SSH2: variants seen among roughly 807,000 people sequenced by gnomAD.
SSH2 encodes the protein protein phosphatase Slingshot homolog 2.
SSH2 carries 37 observed loss-of-function variants against 135.2 expected under a neutral mutation model. The ratio of observed to expected loss-of-function variants is 0.27; its 90% CI spans 0.21 to 0.36. SSH2 has a LOEUF of 0.36. Ranked by LOEUF, SSH2 falls within the 10% of genes least tolerant of loss-of-function variation. SSH2 has a pLI of 1.00. For synonymous variants in SSH2, 628 were observed against 646.2 expected (o/e 0.97, Z 0.43); for missense variants, 1,408 against 1,765.3 (o/e 0.80, Z 3.63).
At chr17:29,829,447 C>T in intron 2 of SSH2, among the ~76,000 whole-genome samples, 1 of 151,764 alleles carries the variant, frequency 6.6e-6, no homozygotes, top group Non-Finnish European at 1.5e-5. Flanking sequence ...GGATATGAAG[C>T]CCCAACTGTC....
intron 1 of SSH2, among the ~76,000 whole-genome samples, chr17:29,920,304 G>C (rs765477883): frequency 4.6e-5 from 7 of 152,222 alleles, no homozygotes; most frequent in Non-Finnish European, 8.8e-5. Flanking sequence ...CTTAAAGCCG[G>C]ATAGGAAAGA....
At chr17:29,833,647 CCT>C (rs2042887779) in intron 2 of SSH2, among the ~76,000 whole-genome samples, 1 of 5,508 alleles carries the variant, frequency 1.8e-4, no homozygotes, top group Non-Finnish European at 6.3e-4. Context: ...GTTTTTTTTT[CCT>C]TCCTTCCTTC....
rs148308046 is a variant in SSH2 at position 29,859,284 on chromosome 17, T to A, written c.64-10355A>T. Among the ~76,000 whole-genome samples the A allele has an allele frequency of 4.5e-3, 690 of 152,144 alleles. 8 individuals carry two copies. Among genetic ancestry groups the A allele is most frequent in the African/African-American group, 0.016 (652 of 41,470 alleles). On this transcript the variant is annotated intron_variant, in intron 1 of 15. Coordinates refer to ENST00000540801, the MANE Select transcript of SSH2 (RefSeq NM_001282129.2). ...CTCCTTTCCTGGGTTCCTCTTACAC[T>A]TTTTTTTCTTTCTCTTTTTTTAACT... is the stretch of plus-strand genomic sequence containing the variant.
intron 5 of SSH2, among the ~76,000 whole-genome samples, chr17:29,689,757 C>A (rs2038384762): frequency 6.6e-6 from 1 of 152,092 alleles, no homozygotes; most frequent in South Asian, 2.1e-4. Context: ...ATTCCCTCGG[C>A]ATCCAATTTA....
At chr17:29,828,103 T>C (rs769839612) in intron 2 of SSH2, among the ~76,000 whole-genome samples, 17 of 152,162 alleles carry the variant, frequency 1.1e-4, no homozygotes, top group Admixed American at 4.6e-4. Context: ...AAGGATAAGA[T>C]ACAAAACTCA....
intron 2 of SSH2, among the ~76,000 whole-genome samples, chr17:29,801,475 A>G (rs2042250029): frequency 6.6e-6 from 1 of 152,138 alleles, no homozygotes; most frequent in Non-Finnish European, 1.5e-5. Flanking sequence ...TGTTGTATCA[A>G]CCTAGAAAGC....
intron 2 of SSH2, among the ~76,000 whole-genome samples, chr17:29,827,561 C>A (rs1445636078): frequency 2.6e-5 from 4 of 152,076 alleles, no homozygotes; most frequent in Non-Finnish European, 4.4e-5. Flanking sequence ...AAGTAATAGT[C>A]AACAGCAATA....
intron 3 of SSH2, among the ~76,000 whole-genome samples, chr17:29,786,459 C>T (rs959476623): frequency 3.3e-5 from 5 of 152,152 alleles, no homozygotes; most frequent in Non-Finnish European, 5.9e-5. Context: ...CTTTTTGCCC[C>T]ATAAATCCCA....
intron 3 of SSH2, among the ~76,000 whole-genome samples, chr17:29,749,875 C>T (rs1302007151): frequency 1.3e-5 from 2 of 151,884 alleles, no homozygotes; most frequent in Middle Eastern, 3.4e-3. Context: ...TACAGGTGCC[C>T]GCCACCACGC....
chr17:29,855,872 A>C (rs2065653626), intron 1 of SSH2: 1 of 183,800 alleles, frequency 5.4e-6, no homozygotes, highest in Non-Finnish European at 1.1e-5. Context: ...GAGGGACTTC[A>C]ATTACATCAA....
intron 2 of SSH2, among the ~76,000 whole-genome samples, chr17:29,797,173 T>A (rs1362440173): frequency 1.3e-5 from 2 of 151,968 alleles, no homozygotes; most frequent in East Asian, 3.9e-4. Context: ...TATACAAATC[T>A]TAAGTGCGCC....
intron 3 of SSH2, among the ~76,000 whole-genome samples, chr17:29,738,542 TC>T (rs1477194154): frequency 4.0e-5 from 6 of 151,804 alleles, no homozygotes; most frequent in Middle Eastern, 6.9e-3. Context: ...TCTTTTTTTT[TC>T]TTTTTTATTT....
chr17:29,895,218 TTTATAAATACATTTTATATATACA>T (rs1455921108), intron 1 of SSH2, among the ~76,000 whole-genome samples: 14 of 142,440 alleles, frequency 9.8e-5, no homozygotes, highest in Non-Finnish European at 2.0e-4. Flanking sequence ...TTATATATAT[TTTATAAATACATTTTATATATACA>T]TTATATATAC....
In SSH2 at chr17:29,831,681, TC is replaced by T. The variant is rs555989840; in HGVS notation, c.144+17167del. Among the ~76,000 whole-genome samples the T allele has an allele frequency of 4.8e-4, 73 of 152,000 alleles. 1 individual carries two copies. In the South Asian group the frequency reaches 6.2e-3, roughly 13 times the overall value. ...CTGCCTCCTGGGTTCAAGTGATTCT[TC>T]TGCTTCAGCCTCCTGAATAGCTGGG... On this transcript the variant is annotated intron_variant, in intron 2 of 15. Coordinates refer to ENST00000540801, the MANE Select transcript of SSH2 (RefSeq NM_001282129.2).
At chr17:29,913,363 TATATATATA>T (rs1567650139) in intron 1 of SSH2, among the ~76,000 whole-genome samples, 3 of 74,206 alleles carry the variant, frequency 4.0e-5, no homozygotes, top group Non-Finnish European at 5.2e-5. Context: ...TATATATATA[TATATATATA>T]TATATATATA....
chr17:29,834,402 C>T (rs1344407727), intron 2 of SSH2, among the ~76,000 whole-genome samples: 3 of 152,042 alleles, frequency 2.0e-5, no homozygotes, highest in Non-Finnish European at 4.4e-5. Flanking sequence ...ATGCCAGTAT[C>T]AAAATACCTC....
intron 3 of SSH2, among the ~76,000 whole-genome samples, chr17:29,770,266 C>T (rs539696346): frequency 2.0e-5 from 3 of 151,146 alleles, no homozygotes; most frequent in African/African-American, 7.3e-5. Flanking sequence ...GAGCCACCAC[C>T]CCCGGCTAAT....
intron 1 of SSH2, among the ~76,000 whole-genome samples, chr17:29,850,314 A>C (rs563784929): frequency 1.3e-5 from 2 of 152,326 alleles, no homozygotes; most frequent in African/African-American, 4.8e-5. Flanking sequence ...CAGCAGCTGG[A>C]AACTGAGTTA....
At position 29,671,341 on chromosome 17, in the gene SSH2, G is replaced by A. The variant is rs190794932; in HGVS notation, c.809+594C>T. 2.0e-5 allele frequency among the ~76,000 whole-genome samples: 3 copies of A among 152,180 alleles called. No homozygotes were observed. In the East Asian group the frequency reaches 5.8e-4, roughly 29 times the overall value. ...AAAATAAAAATTTAAAAATTAGCCA[G>A]GTGTGGTGGCACATGCCTGTAGTCC... On this transcript the variant is annotated intron_variant, in intron 9 of 15. Coordinates refer to ENST00000540801, the MANE Select transcript of SSH2 (RefSeq NM_001282129.2).
Sources: gnomAD v4.1 joint callset for allele counts (sites outside exome capture counted in the v4.1 genomes callset) on GRCh38, gnomAD v4.1.1 for gene constraint, MANE v1.5 for transcripts, NCBI Gene and HGNC (gene_info 2026-07-23, HGNC 2026-07-21) for gene names.